Variants in C6 observed in about 807,000 individuals in gnomAD.
The protein encoded by C6 is complement component C6.
A neutral mutation model predicts 112.9 loss-of-function variants in C6; 101 were observed. The ratio of observed to expected loss-of-function variants is 0.89; its 90% CI spans 0.76 to 1.06. The LOEUF (loss-of-function observed/expected upper bound fraction) is 1.06, where lower values mean the gene tolerates loss of function less well. Ranked by LOEUF, C6 falls within the 50% of genes least tolerant of loss-of-function variation. The pLI, the probability that C6 is intolerant of heterozygous loss-of-function variation, is 0.00. For missense variants in C6, 1,202 were observed against 1,104.6 expected (o/e 1.09, Z -1.25); for synonymous variants, 431 against 384.1 (o/e 1.12, Z -1.43).
chr5:41,168,677 C>T (rs963126241), intron 9 of C6, among the ~76,000 whole-genome samples: 13 of 152,138 alleles, frequency 8.5e-5, no homozygotes, highest in Non-Finnish European at 1.2e-4. Context: ...ATTGCATTGA[C>T]ACAGTTAAAG....
At chr5:41,171,195 G>A (rs1183016347) in intron 9 of C6, among the ~76,000 whole-genome samples, 1 of 152,146 alleles carries the variant, frequency 6.6e-6, no homozygotes, top group Non-Finnish European at 1.5e-5. Flanking sequence ...AGACATTCAG[G>A]AGGTAGAATG....
intron 1 of C6, among the ~76,000 whole-genome samples, chr5:41,222,996 T>C (rs751286900): frequency 2.6e-5 from 4 of 152,222 alleles, no homozygotes; most frequent in Non-Finnish European, 4.4e-5. Context: ...TTAAATTCTC[T>C]GGAATTTCTA....
intron 1 of C6, among the ~76,000 whole-genome samples, chr5:41,244,920 C>A (rs1221304047): frequency 6.6e-6 from 1 of 152,200 alleles, no homozygotes; most frequent in Non-Finnish European, 1.5e-5. Context: ...TTGTATGGTC[C>A]TCATTTTTTC....
At chr5:41,209,241 A>C (rs533382669) in intron 1 of C6, among the ~76,000 whole-genome samples, 4 of 152,226 alleles carry the variant, frequency 2.6e-5, no homozygotes, top group African/African-American at 9.6e-5. Flanking sequence ...AGAGCTATTT[A>C]TGACAAACCC....
At chr5:41,224,593 A>G (rs749400696) in intron 1 of C6, among the ~76,000 whole-genome samples, 30 of 148,982 alleles carry the variant, frequency 2.0e-4, no homozygotes, top group Non-Finnish European at 3.3e-4. Context: ...TTTTTTTTTT[A>G]TTGCTGAATA....
chr5:41,195,085 G>T (rs1750504451), intron 5 of C6, among the ~76,000 whole-genome samples: 1 of 152,160 alleles, frequency 6.6e-6, no homozygotes, highest in Non-Finnish European at 1.5e-5. Context: ...CAGTTTGTAA[G>T]CTGAGACTGG....
chr5:41,212,114 T>A (rs146286334), intron 1 of C6, among the ~76,000 whole-genome samples: 2,789 of 152,274 alleles, frequency 0.018, 71 homozygotes, highest in Admixed American at 0.068. Context: ...TTTTTTAATA[T>A]TCTATTATTA....
intron 13 of C6, among the ~76,000 whole-genome samples, chr5:41,157,135 G>C (rs946815636): frequency 2.0e-5 from 3 of 152,092 alleles, no homozygotes; most frequent in African/African-American, 7.2e-5. Flanking sequence ...TATTACATTT[G>C]AGTAAAAACT....
At chr5:41,221,360 A>G (rs750179203) in intron 1 of C6, among the ~76,000 whole-genome samples, 4 of 152,140 alleles carry the variant, frequency 2.6e-5, no homozygotes, top group Non-Finnish European at 5.9e-5. Flanking sequence ...GGTTGGTGAA[A>G]TATTCTCAGT....
intron 15 of C6, among the ~76,000 whole-genome samples, chr5:41,151,587 G>T (rs1746397754): frequency 6.6e-6 from 1 of 152,142 alleles, no homozygotes; most frequent in East Asian, 1.9e-4. Context: ...CTGTGCTAAA[G>T]ATTTAAATCT....
At chr5:41,261,080 A>T in intron 1 of C6, 1 of 455,704 alleles carries the variant, frequency 2.2e-6, no homozygotes, top group Non-Finnish European at 2.9e-6. Flanking sequence ...AAACTGAACT[A>T]CTGCCTTTGT....
At chr5:41,181,002 T>G (rs536120845) in intron 7 of C6, among the ~76,000 whole-genome samples, 33 of 151,982 alleles carry the variant, frequency 2.2e-4, no homozygotes, top group African/African-American at 8.0e-4. Context: ...TATACATCTA[T>G]ACAAATATGT....
chr5:41,155,093 T>C lies in C6; in HGVS notation c.1980A>G (p.Gln660=), dbSNP rs1275485675. The change falls in exon 14 of 18, where the codon CAA becomes CAG. Residue 660 remains glutamine, a synonymous_variant. Transcript: ENST00000337836. ...CAACATCTTCTCCAACCAAGTATAGTTGCTTTTCATTCTTAATTAAAGCAG... is the reference window on the plus strand; with the variant it reads ...CAACATCTTCTCCAACCAAGTATAGCTGCTTTTCATTCTTAATTAAAGCAG... ...PENGFIRNEK[Q]LYLVGEDVEI... 3.1e-6 allele frequency: 5 copies of C among 1,613,528 alleles called. No individual in the cohort carries two copies. The highest frequency in any genetic ancestry group is 4.2e-6 in the Non-Finnish European group (5 of 1,179,554).
intron 1 of C6, among the ~76,000 whole-genome samples, chr5:41,245,551 T>C (rs1740971727): frequency 6.6e-6 from 1 of 152,186 alleles, no homozygotes; most frequent in Non-Finnish European, 1.5e-5. Flanking sequence ...CATCTGGACC[T>C]TGATATTTTT....
chr5:41,172,295 G>T lies in C6; in HGVS notation c.1221C>A (p.Arg407=), dbSNP rs377253212. 6.8e-6 allele frequency: 11 copies of T among 1,613,152 alleles called. No homozygotes were observed. Among genetic ancestry groups the T allele is most frequent in the Middle Eastern group, 1.7e-4 (1 of 6,058 alleles). Residue 407 remains arginine (R), a synonymous_variant, in exon 9 of 18, where the codon CGC becomes CGA. Coordinates refer to ENST00000337836, the MANE Select transcript of C6 (RefSeq NM_000065.5). The part of the protein sequence containing the change: ...KHCVRIETKK[R]VLFAKKTKVE... ...CTTTTGTTTTCTTAGCAAATAAAAC[G>T]CGTTTCTTTGTTTCAATCCTGACAC...
intron 1 of C6, among the ~76,000 whole-genome samples, chr5:41,211,316 A>AGCATGGC (rs1317546773): frequency 1.0e-5 from 1 of 97,744 alleles, no homozygotes; most frequent in Non-Finnish European, 2.6e-5. Flanking sequence ...GCAGTACACC[A>AGCATGGC]ACATGGCATA....
intron 9 of C6, among the ~76,000 whole-genome samples, chr5:41,165,887 A>G (rs1056030065): frequency 2.0e-5 from 3 of 152,168 alleles, no homozygotes; most frequent in African/African-American, 7.2e-5. Context: ...GGCGATATGC[A>G]ATGAACTTAA....
intron 1 of C6, among the ~76,000 whole-genome samples, chr5:41,260,612 A>T (rs182367360): frequency 2.8e-4 from 43 of 152,114 alleles, no homozygotes; most frequent in African/African-American, 9.9e-4. Context: ...TCTACTAAAA[A>T]TACAAAAAAA....
In C6 at chr5:41,142,235, C is replaced by A. The variant is rs1356178529; in HGVS notation, c.*590G>T. 1 of 154,684 alleles carries A rather than the reference C, an allele frequency of 6.5e-6. No individual in the cohort carries two copies. The highest frequency in any genetic ancestry group is 2.4e-5 in the African/African-American group (1 of 41,454). The allele number at this position is 154,684 out of a possible 1,614,324, so 9.6% of individuals were successfully genotyped here. A position where few individuals can be genotyped will look rare whatever the true frequency, so the allele number is the denominator to read the frequency against. Reference sequence around the variant, plus strand: ...AAAACAATTATCACCATCAAACATGCTACATATTTTACCTGTTTATTTCAT... The same window carrying A: ...AAAACAATTATCACCATCAAACATGATACATATTTTACCTGTTTATTTCAT... On this transcript the variant is annotated 3_prime_UTR_variant, in exon 18 of 18. Transcript: ENST00000337836.
Sources: gnomAD v4.1 joint callset for allele counts (sites outside exome capture counted in the v4.1 genomes callset) on GRCh38, gnomAD v4.1.1 for gene constraint, MANE v1.5 for transcripts, NCBI Gene and HGNC (gene_info 2026-07-23, HGNC 2026-07-21) for gene names.